Variants in FHIT observed in about 807,000 individuals in gnomAD.
The protein encoded by FHIT is fragile histidine triad diadenosine triphosphatase.
A neutral mutation model predicts 17.9 loss-of-function variants in FHIT; 19 were observed. The observed-to-expected ratio is 1.06, with a 90% CI of 0.74 to 1.56. FHIT has a LOEUF of 1.56. FHIT is among the 40% of genes most tolerant of loss of function. FHIT has a pLI of 0.00. For missense variants in FHIT, 248 were observed against 189.2 expected (o/e 1.31, Z -1.82); for synonymous variants, 81 against 69.7 (o/e 1.16, Z -0.81).
intron 2 of FHIT, among the ~76,000 whole-genome samples, chr3:61,145,407 T>G (rs2037197443): frequency 6.6e-6 from 1 of 152,128 alleles, no homozygotes; most frequent in African/African-American, 2.4e-5. Context: ...CCACACAGCC[T>G]TAATTGCTAT....
rs549872709 is a variant in FHIT, at chr3:60,126,698, G to T, written c.104-112546C>A. Reference sequence around the variant, plus strand: ...CAATCCACAGCACACGCTCATAAATGCTGAAGTATTACCACATTTACCTCA... The same window carrying T: ...CAATCCACAGCACACGCTCATAAATTCTGAAGTATTACCACATTTACCTCA... On this transcript the variant is annotated intron_variant, in intron 5 of 9. Coordinates refer to ENST00000492590, the MANE Select transcript of FHIT (RefSeq NM_002012.4). Among the ~76,000 whole-genome samples the T allele has an allele frequency of 4.3e-4, 65 of 152,268 alleles. 1 individual carries two copies. The highest frequency in any genetic ancestry group is 1.3e-3 in the African/African-American group (54 of 41,568).
chr3:59,833,470 G>T (rs1043626632), intron 8 of FHIT, among the ~76,000 whole-genome samples: 2 of 152,138 alleles, frequency 1.3e-5, no homozygotes, highest in African/African-American at 2.4e-5. Flanking sequence ...TAAACCAAAG[G>T]CAAGGAAGGA....
intron 5 of FHIT, among the ~76,000 whole-genome samples, chr3:60,068,457 C>T (rs1702617776): frequency 6.6e-6 from 1 of 152,174 alleles, no homozygotes; most frequent in Non-Finnish European, 1.5e-5. Flanking sequence ...AAACTCCAGA[C>T]ATCATGTTGG....
intron 8 of FHIT, among the ~76,000 whole-genome samples, chr3:59,914,792 C>A (rs924646344): frequency 4.6e-5 from 7 of 151,534 alleles, no homozygotes; most frequent in African/African-American, 1.5e-4. Flanking sequence ...CATTTCTGAT[C>A]ATAATTTATT....
chr3:60,824,741 G>A (rs773137896), intron 3 of FHIT, among the ~76,000 whole-genome samples: 4 of 152,092 alleles, frequency 2.6e-5, no homozygotes, highest in Non-Finnish European at 4.4e-5. Flanking sequence ...AATAAGTCTC[G>A]AGAGATCTGA....
chr3:60,787,985 A>G (rs1553727436), intron 4 of FHIT, among the ~76,000 whole-genome samples: 1 of 152,214 alleles, frequency 6.6e-6, no homozygotes, highest in African/African-American at 2.4e-5. Flanking sequence ...CAGAGGAAAC[A>G]TGAGTGATAG....
intron 3 of FHIT, among the ~76,000 whole-genome samples, chr3:61,016,407 G>A (rs2032109141): frequency 6.6e-6 from 1 of 152,148 alleles, no homozygotes; most frequent in Admixed American, 6.5e-5. Flanking sequence ...AAGAAACAGA[G>A]CAAGACAAAG....
At chr3:61,058,742 T>G (rs2034317581) in intron 2 of FHIT, among the ~76,000 whole-genome samples, 1 of 152,232 alleles carries the variant, frequency 6.6e-6, no homozygotes, top group African/African-American at 2.4e-5. Flanking sequence ...CAGGTAGTTC[T>G]TTATAGCAAT....
intron 5 of FHIT, among the ~76,000 whole-genome samples, chr3:60,216,930 G>A (rs1003514217): frequency 6.6e-6 from 1 of 152,048 alleles, no homozygotes; most frequent in African/African-American, 2.4e-5. Context: ...GGATACTCAG[G>A]ATGGCTACTG....
intron 8 of FHIT, among the ~76,000 whole-genome samples, chr3:59,774,929 C>G (rs976110763): frequency 5.3e-5 from 8 of 152,172 alleles, no homozygotes; most frequent in Admixed American, 2.0e-4. Flanking sequence ...CCAGCGACAT[C>G]AGCATCACTT....
intron 7 of FHIT, among the ~76,000 whole-genome samples, chr3:59,967,328 T>C (rs987389992): frequency 6.6e-5 from 10 of 152,160 alleles, no homozygotes; most frequent in African/African-American, 1.9e-4. Context: ...AGTAACATAG[T>C]CGTTTATTAT....
chr3:60,073,650 C>G (rs1391976078), intron 5 of FHIT, among the ~76,000 whole-genome samples: 3 of 152,104 alleles, frequency 2.0e-5, no homozygotes, highest in African/African-American at 7.2e-5. Context: ...TCTACCAAAT[C>G]TATTTTCTCA....
chr3:60,995,954 T>C (rs983621654), intron 3 of FHIT, among the ~76,000 whole-genome samples: 2 of 152,336 alleles, frequency 1.3e-5, no homozygotes, highest in African/African-American at 4.8e-5. Flanking sequence ...GCAAATGCAT[T>C]TTAAAGAGGA....
chr3:60,122,225 A>G (rs1006379826), intron 5 of FHIT, among the ~76,000 whole-genome samples: 1 of 152,196 alleles, frequency 6.6e-6, no homozygotes, highest in Non-Finnish European at 1.5e-5. Context: ...TAATAAAAAC[A>G]TTATATTAGT....
At chr3:60,870,280 A>G (rs1365827064) in intron 3 of FHIT, among the ~76,000 whole-genome samples, 1 of 152,118 alleles carries the variant, frequency 6.6e-6, no homozygotes, top group East Asian at 1.9e-4. Flanking sequence ...AAAACAGGTC[A>G]GCAAGACTTG....
intron 2 of FHIT, among the ~76,000 whole-genome samples, chr3:61,182,830 T>C (rs2038384265): frequency 6.6e-6 from 1 of 152,146 alleles, no homozygotes; most frequent in Non-Finnish European, 1.5e-5. Flanking sequence ...TTCATGATTA[T>C]TTATATCTGG....
At chr3:61,053,233 C>T (rs1460447062) in intron 2 of FHIT, among the ~76,000 whole-genome samples, 1 of 152,084 alleles carries the variant, frequency 6.6e-6, no homozygotes, top group Non-Finnish European at 1.5e-5. Flanking sequence ...CTTCAACCTG[C>T]CATGCCTCTT....
chr3:61,245,171 A>G (rs2040459808), intron 1 of FHIT, among the ~76,000 whole-genome samples: 1 of 152,216 alleles, frequency 6.6e-6, no homozygotes, highest in Non-Finnish European at 1.5e-5. Flanking sequence ...TTTTATTGAC[A>G]ATGATAAGAA....
At chr3:60,676,190 T>G (rs1446515050) in intron 4 of FHIT, among the ~76,000 whole-genome samples, 1 of 152,196 alleles carries the variant, frequency 6.6e-6, no homozygotes, top group Admixed American at 6.5e-5. Flanking sequence ...TTCCAGATGG[T>G]TCCTGTATCT....
Sources: gnomAD v4.1 joint callset for allele counts (sites outside exome capture counted in the v4.1 genomes callset) on GRCh38, gnomAD v4.1.1 for gene constraint, MANE v1.5 for transcripts, NCBI Gene and HGNC (gene_info 2026-07-23, HGNC 2026-07-21) for gene names.